CALML4: variants seen among roughly 807,000 people sequenced by gnomAD.
CALML4 encodes calmodulin-like protein 4.
CALML4 carries 16 observed loss-of-function variants against 17.9 expected under a neutral mutation model. The observed-to-expected ratio is 0.89, with a 90% confidence interval of 0.61 to 1.36. The LOEUF (loss-of-function observed/expected upper bound fraction) is 1.36, where lower values mean the gene tolerates loss of function less well. Ranked by LOEUF, CALML4 falls within the 40% of genes most tolerant of loss-of-function variation. The probability of loss-of-function intolerance (pLI) is 0.00; values close to 1 mark genes in which losing one functional copy is unlikely to be tolerated. For synonymous variants in CALML4, 86 were observed against 71.5 expected, an observed-to-expected ratio of 1.20 and a Z score of -1.02; for missense variants, 203 against 194.8, an observed-to-expected ratio of 1.04 and a Z score of -0.25.
Position 68,205,308 on chromosome 15 carries a change from TCCTCCAG to T in CALML4, c.-68_-62del, listed in dbSNP as rs745568657. On this transcript the variant is annotated 5_prime_UTR_variant, in exon 1 of 5. Transcript: ENST00000467889. The surrounding 1 kb of genome is among the most constrained non-coding windows in gnomAD (Gnocchi z 4.8). ...TCCCAGAACCGCGTTCAGTTCCCTT[TCCTCCAG>T]CCTCAAGTCTAAAGTCTGCCAAGCT... 1 of 1,614,024 alleles carries T rather than the reference TCCTCCAG, an allele frequency of 6.2e-7. No homozygotes were observed. Among genetic ancestry groups the T allele is most frequent in the African/African-American group, 1.3e-5 (1 of 75,000 alleles).
In CALML4 at chr15:68,193,828, T is replaced by C. The variant is rs1329037140; in HGVS notation, c.*187A>G. The C allele has an allele frequency of 1.8e-6, 1 of 559,294 alleles. No individual in the cohort carries two copies. The highest frequency in any genetic ancestry group is 3.2e-6 in the Non-Finnish European group (1 of 313,602). 34.6% of individuals were successfully genotyped at this position (559,294 alleles called of 1,614,324 possible). On this transcript the variant is annotated 3_prime_UTR_variant, in exon 5 of 5. Transcript: ENST00000467889. ...TAATAAAATCAATACAAATCTTTTA[T>C]TAAAGATCTACTCATACCATGGCTG... is the stretch of plus-strand genomic sequence containing the variant.
intron 2 of CALML4, among the ~76,000 whole-genome samples, chr15:68,203,025 G>A (rs560148219): frequency 2.4e-4 from 36 of 152,228 alleles, no homozygotes; most frequent in African/African-American, 8.7e-4. Flanking sequence ...ATGTTGGCCA[G>A]GCTGGTCTCA....
chr15:68,205,364 G>T, upstream of CALML4: 3 of 1,613,858 alleles, frequency 1.9e-6, no homozygotes, highest in South Asian at 1.1e-5. The surrounding 1 kb of genome is among the most constrained non-coding windows in gnomAD (Gnocchi z 4.8). Flanking sequence ...GGTAATAAAT[G>T]CTCGGCTGCC....
chr15:68,203,204 C>A (rs911616445), intron 2 of CALML4, among the ~76,000 whole-genome samples: 1 of 152,126 alleles, frequency 6.6e-6, no homozygotes, highest in African/African-American at 2.4e-5. Context: ...CATGCCTCGG[C>A]CTCCCAAAGT....
chr15:68,195,374 G>A (rs920763925), intron 4 of CALML4, among the ~76,000 whole-genome samples: 5 of 152,224 alleles, frequency 3.3e-5, no homozygotes, highest in Non-Finnish European at 7.3e-5. Flanking sequence ...TTTATTGGGA[G>A]AATGTTGAGG....
intron 2 of CALML4, among the ~76,000 whole-genome samples, chr15:68,201,389 C>T (rs1017615289): frequency 2.6e-5 from 4 of 152,240 alleles, no homozygotes; most frequent in South Asian, 2.1e-4. Flanking sequence ...CATCACCTCA[C>T]GTCAGGGGGA....
At position 68,202,879 on chromosome 15, in the gene CALML4, A is replaced by G. The variant is rs575796258; in HGVS notation, c.34+2242T>C. Among the ~76,000 whole-genome samples, 12 of 145,910 alleles carry G rather than the reference A, an allele frequency of 8.2e-5. No individual in the cohort carries two copies. The East Asian group carries it at 2.4e-3, about 29-fold the overall frequency. ...GCCCAGGCTGGAGTGTAGTGGCTCA[A>G]TCTCGGTTCACTGCAACCTCCGCCT... On this transcript the variant is annotated intron_variant, in intron 2 of 4. Coordinates refer to ENST00000467889, the MANE Select transcript of CALML4 (RefSeq NM_033429.3).
rs991797996 is a variant in CALML4, at chr15:68,193,250, CCAGT to C, written c.*761_*764del. The C allele has an allele frequency of 6.6e-6, 1 of 152,292 alleles. No homozygotes were observed. The highest frequency in any genetic ancestry group is 2.4e-5 in the African/African-American group (1 of 41,434). The allele number at this position is 152,292 out of a possible 1,614,324, so 9.4% of individuals were successfully genotyped here. On this transcript the variant is annotated 3_prime_UTR_variant, in exon 5 of 5. Coordinates refer to ENST00000467889, the MANE Select transcript of CALML4 (RefSeq NM_033429.3). ...AGCCCCCTTCTTGAGCTCTGCAAGG[CCAGT>C]CAATTTAGCAGCTCACATCTGGTTT...
intron 2 of CALML4, chr15:68,199,925 C>G (rs1180264335): frequency 1.2e-5 from 4 of 331,772 alleles, no homozygotes; most frequent in African/African-American, 8.5e-5. Context: ...AGGACATATA[C>G]TTCTATTGGA....
In CALML4 at chr15:68,191,000, A is replaced by AT; in HGVS notation, c.*3014dup. On this transcript the variant is annotated 3_prime_UTR_variant, in exon 5 of 5. Coordinates refer to ENST00000467889, the MANE Select transcript of CALML4 (RefSeq NM_033429.3). This position sits in a 1 kb window ranked among gnomAD's most constrained non-coding sequence, Gnocchi z 4.7. Reference sequence around the variant, plus strand: ...AAGAGCATTTTTTTAGACAATTTCAATTTTAAACACATAAAACTTTCAAGA... The same window carrying AT: ...AAGAGCATTTTTTTAGACAATTTCAATTTTTAAACACATAAAACTTTCAAGA... 1 of 152,470 alleles carries AT rather than the reference A, an allele frequency of 6.6e-6. No homozygotes were observed. The highest frequency in any genetic ancestry group is 2.1e-4 in the South Asian group (1 of 4,824). The allele number at this position is 152,470 out of a possible 1,614,324, so 9.4% of individuals were successfully genotyped here.
Position 68,192,386 on chromosome 15 carries a change from T to G in CALML4, c.*1629A>C, listed in dbSNP as rs2093124375. On this transcript the variant is annotated 3_prime_UTR_variant, in exon 5 of 5. Transcript: ENST00000467889. Reference sequence around the variant, plus strand: ...AAATTCTGCATTTCTGTTTTTGTATTCTTAAGGCAGCCAAATCTCGTAAAC... The same window carrying G: ...AAATTCTGCATTTCTGTTTTTGTATGCTTAAGGCAGCCAAATCTCGTAAAC... 1 of 152,190 alleles carries G rather than the reference T, an allele frequency of 6.6e-6. No homozygotes were observed. The highest frequency in any genetic ancestry group is 1.9e-4 in the East Asian group (1 of 5,198). 9.4% of individuals were successfully genotyped at this position (152,190 alleles called of 1,614,324 possible).
In CALML4 at chr15:68,190,911, G is replaced by A. The variant is rs191701794; in HGVS notation, c.*3104C>T. ...CTCTGAAAAATCGGATTCTTTGGCA[G>A]ATTTTCCTTTGAGTCAAGTGTCTGA... On this transcript the variant is annotated 3_prime_UTR_variant, in exon 5 of 5. Coordinates refer to ENST00000467889, the MANE Select transcript of CALML4 (RefSeq NM_033429.3). This position sits in a 1 kb window ranked among gnomAD's most constrained non-coding sequence, Gnocchi z 4.7. 1.3e-5 allele frequency: 2 copies of A among 152,290 alleles called. No homozygotes were observed. Among genetic ancestry groups the A allele is most frequent in the Admixed American group, 6.5e-5 (1 of 15,280 alleles). 9.4% of individuals were successfully genotyped at this position (152,290 alleles called of 1,614,324 possible). A position where few individuals can be genotyped will look rare whatever the true frequency, so the allele number is the denominator to read the frequency against.
chr15:68,205,171 ACAGT>A lies in CALML4; in HGVS notation c.4-24_4-21del, dbSNP rs778355148. The A allele has an allele frequency of 1.2e-5, 19 of 1,613,990 alleles. No homozygotes were observed. Among genetic ancestry groups the A allele is most frequent in the African/African-American group, 2.7e-5 (2 of 74,914 alleles). On this transcript the variant is annotated intron_variant, in intron 1 of 4. Coordinates refer to ENST00000467889, the MANE Select transcript of CALML4 (RefSeq NM_033429.3). The surrounding 1 kb of genome is among the most constrained non-coding windows in gnomAD (Gnocchi z 4.8). ...CTTGGCCTGCAGCAGAGAAAGGAAA[ACAGT>A]CAGGGGAGGGCTCCACCTGAGGTTC...
rs966151673 is a variant in CALML4, at chr15:68,197,068, T to G, written c.364+372A>C. Among the ~76,000 whole-genome samples the G allele has an allele frequency of 3.3e-5, 5 of 152,124 alleles. No homozygotes were observed. The highest frequency in any genetic ancestry group is 4.1e-4 in the South Asian group (2 of 4,826). ...TTGGGAGCCGCTCACTCCCCCTGCTTCTTTATCAGTAGGAGCAGGCATTTG... is the reference window on the plus strand; with the variant it reads ...TTGGGAGCCGCTCACTCCCCCTGCTGCTTTATCAGTAGGAGCAGGCATTTG... On this transcript the variant is annotated intron_variant, in intron 4 of 4. Coordinates refer to ENST00000467889, the MANE Select transcript of CALML4 (RefSeq NM_033429.3). This position sits in a 1 kb window ranked among gnomAD's most constrained non-coding sequence, Gnocchi z 4.1.
Position 68,193,586 on chromosome 15 carries a change from G to C in CALML4, c.*429C>G, listed in dbSNP as rs2093130210. On this transcript the variant is annotated 3_prime_UTR_variant, in exon 5 of 5. Transcript: ENST00000467889. Reference sequence around the variant, plus strand: ...GTTCTAGCCCCCAAATACAGAATAAGTCTCTTGGTAGATTGCCCTTAAGTC... The same window carrying C: ...GTTCTAGCCCCCAAATACAGAATAACTCTCTTGGTAGATTGCCCTTAAGTC... 1 of 160,030 alleles carries C rather than the reference G, an allele frequency of 6.2e-6. No individual in the cohort carries two copies. The highest frequency in any genetic ancestry group is 1.8e-4 in the South Asian group (1 of 5,434). The allele number at this position is 160,030 out of a possible 1,614,324, so 9.9% of individuals were successfully genotyped here. A position where few individuals can be genotyped will look rare whatever the true frequency, so the allele number is the denominator to read the frequency against.
Position 68,199,698 on chromosome 15 carries a change from G to A in CALML4, c.35-17C>T, listed in dbSNP as rs754871831. The A allele has an allele frequency of 8.3e-5, 133 of 1,609,268 alleles. No individual in the cohort carries two copies. The Admixed American group carries it at 2.1e-3, about 26-fold the overall frequency. ...CCTTGTACTCTGCACACGGCCCAGA[G>A]GGAGGGTCAGCAGCGTCTGGTCACT... On this transcript the variant is annotated splice_polypyrimidine_tract_variant and intron_variant, in intron 2 of 4. Transcript: ENST00000467889.
Position 68,197,471 on chromosome 15 carries a change from C to G in CALML4, c.333G>C (p.Thr111=), listed in dbSNP as rs554953385. The G allele has an allele frequency of 2.5e-6, 4 of 1,614,130 alleles. No homozygotes were observed. The highest frequency in any genetic ancestry group is 3.4e-6 in the Non-Finnish European group (4 of 1,180,024). The change falls in exon 4 of 5, where the codon ACG becomes ACC. Residue 111 remains threonine (T), a synonymous_variant. Transcript: ENST00000467889. This position sits in a 1 kb window ranked among gnomAD's most constrained non-coding sequence, Gnocchi z 4.1. ...VMASDLRSKL[T]SLGEKLTHKE... ...TGTGGGTGAGCTTCTCCCCCAGACT[C>G]GTGAGTTTTGACCGCAGGTCGGACG...
chr15:68,191,864 C>G lies in CALML4; in HGVS notation c.*2151G>C, dbSNP rs1293288058. 6.6e-6 allele frequency: 1 copy of G among 152,188 alleles called. No homozygotes were observed. Among genetic ancestry groups the G allele is most frequent in the Admixed American group, 6.5e-5 (1 of 15,276 alleles). 9.4% of individuals were successfully genotyped at this position (152,188 alleles called of 1,614,324 possible). On this transcript the variant is annotated 3_prime_UTR_variant, in exon 5 of 5. Coordinates refer to ENST00000467889, the MANE Select transcript of CALML4 (RefSeq NM_033429.3). ...CAAACACTTAATAGGATCTTAGACT[C>G]TGGACCACTGAATCCCTTAATGAGC...
chr15:68,199,517 C>T (rs955976981), intron 3 of CALML4, 24 bp downstream of exon 3: 1 of 1,597,486 alleles, frequency 6.3e-7, no homozygotes. Context: ...CTCCCCTCTC[C>T]CCGTTGTTCC....
Sources: gnomAD v4.1 joint callset for allele counts (sites outside exome capture counted in the v4.1 genomes callset) on GRCh38, gnomAD v4.1.1 for gene constraint, Gnocchi (gnomAD v3.1) non-coding constraint, MANE v1.5 for transcripts, NCBI Gene and HGNC (gene_info 2026-07-23, HGNC 2026-07-21) for gene names.